The following CNGA1 variants were observed in gnomAD, a reference collection of about 807,000 sequenced individuals.
CNGA1 encodes cyclic nucleotide gated channel subunit alpha 1, also known as cyclic nucleotide-gated channel alpha-1.
A neutral mutation model predicts 69.7 loss-of-function variants in CNGA1; 53 were observed. That is an observed-to-expected ratio of 0.76 (90% CI 0.61 to 0.96). The LOEUF is 0.96. Ranked by LOEUF, CNGA1 falls within the 40% of genes least tolerant of loss-of-function variation. The probability of loss-of-function intolerance (pLI) is 0.00; values close to 1 mark genes in which losing one functional copy is unlikely to be tolerated. For missense variants in CNGA1, 739 were observed against 811.2 expected (o/e 0.91, Z 1.08); for synonymous variants, 249 against 283.5 (o/e 0.88, Z 1.22).
chr4:47,938,479 C>T (rs538031593), intron 10 of CNGA1, among the ~76,000 whole-genome samples: 391 of 151,920 alleles, frequency 2.6e-3, no homozygotes, highest in Admixed American at 4.9e-3. Context: ...CTGCAACCTC[C>T]GCCTCTGGCT....
chr4:47,937,403 C>T lies in CNGA1; in HGVS notation c.1079G>A (p.Gly360Asp), dbSNP rs965734036. Reference sequence around the variant, plus strand: ...ATCCCTCACGGGAGGGGGTGTTTCACCAATGGTAGTCAAAGTCAGTGTAGA... The same window carrying T: ...ATCCCTCACGGGAGGGGGTGTTTCATCAATGGTAGTCAAAGTCAGTGTAGA... Reference protein sequence around the residue: ...YWSTLTLTTIGETPPPVRDSE... With the variant: ...YWSTLTLTTIDETPPPVRDSE... Residue 360 changes from glycine (G) to aspartate (D), a missense_variant, in exon 11 of 11, where the codon GGT becomes GAT. Transcript: ENST00000514170. 2 of 1,614,108 alleles carry T rather than the reference C, an allele frequency of 1.2e-6. No homozygotes were observed. The highest frequency in any genetic ancestry group is 2.2e-5 in the South Asian group (2 of 91,080).
At chr4:47,974,813 G>A (rs1002042020) in intron 3 of CNGA1, among the ~76,000 whole-genome samples, 5 of 151,796 alleles carry the variant, frequency 3.3e-5, no homozygotes, top group Non-Finnish European at 7.4e-5. Flanking sequence ...CCTGAAAATA[G>A]CAATCGCTTC....
chr4:47,990,162 CAG>C (rs1449297701), intron 2 of CNGA1, among the ~76,000 whole-genome samples: 1 of 152,082 alleles, frequency 6.6e-6, no homozygotes, highest in Non-Finnish European at 1.5e-5. Flanking sequence ...AACAGAATAA[CAG>C]TGATTTTCAG....
At chr4:47,989,923 A>G (rs1210986687) in intron 2 of CNGA1, among the ~76,000 whole-genome samples, 1 of 151,774 alleles carries the variant, frequency 6.6e-6, no homozygotes, top group Non-Finnish European at 1.5e-5. Flanking sequence ...GATTTCATGG[A>G]CATTTATTAG....
At chr4:47,940,545 C>G (rs1261360459) in intron 10 of CNGA1, among the ~76,000 whole-genome samples, 1 of 152,216 alleles carries the variant, frequency 6.6e-6, no homozygotes, top group Non-Finnish European at 1.5e-5. Flanking sequence ...GCCACATCTA[C>G]TTGTCAAAAA....
chr4:47,964,483 A>T (rs1173391991), intron 3 of CNGA1, among the ~76,000 whole-genome samples: 1 of 152,080 alleles, frequency 6.6e-6, no homozygotes, highest in East Asian at 1.9e-4. Flanking sequence ...TAGAAATTAT[A>T]AACAGAAAAA....
intron 4 of CNGA1, among the ~76,000 whole-genome samples, chr4:47,952,085 G>A (rs1578077676): frequency 6.6e-6 from 1 of 152,166 alleles, no homozygotes; most frequent in East Asian, 1.9e-4. Flanking sequence ...TGTTCAGGCT[G>A]GGCATGGTGG....
At chr4:47,945,374 G>T (rs1005908492) in intron 6 of CNGA1, among the ~76,000 whole-genome samples, 2 of 152,144 alleles carry the variant, frequency 1.3e-5, no homozygotes, top group Non-Finnish European at 2.9e-5. Context: ...ACATATTCCA[G>T]TAACGATTTC....
intron 3 of CNGA1, among the ~76,000 whole-genome samples, chr4:47,977,848 CAG>C (rs1404637126): frequency 2.7e-5 from 4 of 148,000 alleles, no homozygotes; most frequent in South Asian, 2.1e-4. Flanking sequence ...TTTCTTGAGA[CAG>C]AGTTTCATTC....
In CNGA1 at chr4:47,940,867, G is replaced by T. The variant is rs1327601687; in HGVS notation, c.548C>A (p.Ala183Glu). ...MYNWTMVIAR[A>E]CFDELQSDYL... Reference sequence around the variant, plus strand: ...ATCAGATTGAAGTTCATCAAAACATGCTCTATAAAAAAAGAAACACTTGTA... The same window carrying T: ...ATCAGATTGAAGTTCATCAAAACATTCTCTATAAAAAAAGAAACACTTGTA... Residue 183 changes from alanine (A) to glutamate (E), a missense_variant and splice_region_variant, in exon 10 of 11, where the codon GCA (alanine) becomes GAA (glutamate). Ala to Glu is a moderately radical substitution (Grantham distance 107, BLOSUM62 -1). Coordinates refer to ENST00000514170, the MANE Select transcript of CNGA1 (RefSeq NM_001379270.1). 2.5e-6 allele frequency: 4 copies of T among 1,596,452 alleles called. No homozygotes were observed. The highest frequency in any genetic ancestry group is 3.4e-6 in the Non-Finnish European group (4 of 1,165,786).
Position 47,949,883 on chromosome 4 carries a change from C to A in CNGA1, c.237G>T (p.Leu79=), listed in dbSNP as rs776325824. ...CATTAAAAAGTGCAATGGCACCAGG[C>A]AGGTACTGCTCCCTGGGAAATGAAA... ...KGGPSQREQY[L]PGAIALFNVN... The change falls in exon 6 of 11, where the codon CTG becomes CTT. Residue 79 remains leucine (L), a synonymous_variant. Coordinates refer to ENST00000514170, the MANE Select transcript of CNGA1 (RefSeq NM_001379270.1). 2 of 1,613,884 alleles carry A rather than the reference C, an allele frequency of 1.2e-6. No homozygotes were observed. The highest frequency in any genetic ancestry group is 1.7e-6 in the Non-Finnish European group (2 of 1,179,920).
chr4:47,983,864 G>T (rs539411213), intron 2 of CNGA1, among the ~76,000 whole-genome samples: 2 of 152,280 alleles, frequency 1.3e-5, no homozygotes, highest in Non-Finnish European at 2.9e-5. Context: ...GAGGTCATTT[G>T]TCCAGAGTCA....
Position 47,936,622 on chromosome 4 carries a change from T to C in CNGA1, c.1860A>G (p.Glu620=). Residue 620 remains glutamate, a synonymous_variant, in exon 11 of 11, where the codon GAA becomes GAG. Coordinates refer to ENST00000514170, the MANE Select transcript of CNGA1 (RefSeq NM_001379270.1). ...ANAGSDPKDL[E]EKVTRMEGSV... is the part of the protein sequence containing the mutation. ...ACCCCTCCATTCGAGTAACCTTCTC[T>C]TCAAGATCTTTAGGATCACTGCCAG... 1 of 1,614,172 alleles carries C rather than the reference T, an allele frequency of 6.2e-7. No homozygotes were observed. The highest frequency in any genetic ancestry group is 8.5e-7 in the Non-Finnish European group (1 of 1,180,022).
chr4:47,973,312 G>A (rs1455519803), intron 3 of CNGA1, among the ~76,000 whole-genome samples: 2 of 152,050 alleles, frequency 1.3e-5, no homozygotes, highest in Non-Finnish European at 2.9e-5. Context: ...CTGACCTCAG[G>A]TGATCCGCCC....
At chr4:48,001,758 C>G (rs989933597) in intron 2 of CNGA1, among the ~76,000 whole-genome samples, 1 of 152,180 alleles carries the variant, frequency 6.6e-6, no homozygotes, top group Non-Finnish European at 1.5e-5. Flanking sequence ...TAACTTGGAA[C>G]ATCCACCAAG....
chr4:47,954,954 T>C (rs1305670474), intron 3 of CNGA1, among the ~76,000 whole-genome samples: 2 of 152,218 alleles, frequency 1.3e-5, no homozygotes, highest in Non-Finnish European at 2.9e-5. Flanking sequence ...GTAAAGGTAC[T>C]CACCGATATA....
chr4:47,942,209 A>G (rs1739126175), intron 8 of CNGA1, 61 bp from the exon 9 acceptor site: 11 of 1,037,668 alleles, frequency 1.1e-5, no homozygotes, highest in Non-Finnish European at 1.5e-5. Flanking sequence ...TTTATTTACC[A>G]TGTTAAACAT....
intron 5 of CNGA1, among the ~76,000 whole-genome samples, chr4:47,950,822 T>C (rs1025363048): frequency 2.0e-5 from 3 of 152,234 alleles, no homozygotes; most frequent in African/African-American, 4.8e-5. Context: ...TTTTCTCTTC[T>C]AGCACCTCTC....
chr4:48,003,220 A>G (rs1349416690), intron 2 of CNGA1, among the ~76,000 whole-genome samples: 2 of 152,172 alleles, frequency 1.3e-5, no homozygotes, highest in Non-Finnish European at 2.9e-5. Context: ...GAAGATTGGA[A>G]GCAGGGAGGG....
Sources: allele counts gnomAD v4.1 joint callset (sites outside exome capture counted in the v4.1 genomes callset), GRCh38; gene constraint gnomAD v4.1.1; transcripts MANE v1.5; gene names NCBI Gene and HGNC (gene_info 2026-07-23, HGNC 2026-07-21).